The following DPP6 variants were observed in gnomAD, a reference collection of about 807,000 sequenced individuals.
DPP6 encodes A-type potassium channel modulatory protein DPP6.
DPP6 carries 69 observed loss-of-function variants against 122.6 expected under a neutral mutation model. That is an observed-to-expected ratio of 0.56 (90% CI 0.46 to 0.69). The LOEUF is 0.69. Among genes scored for constraint, DPP6 ranks in the 30% least tolerant of loss-of-function variants. The pLI, the probability that DPP6 is intolerant of heterozygous loss-of-function variation, is 0.00. For synonymous variants in DPP6, 418 were observed against 433.1 expected (o/e 0.97, Z 0.43); for missense variants, 928 against 1,116.9 (o/e 0.83, Z 2.41).
chr7:153,754,578 T>C, the DPP6 span, among the ~76,000 whole-genome samples: 2 of 152,246 alleles, frequency 1.3e-5, no homozygotes, highest in Non-Finnish European at 2.9e-5. Flanking sequence ...AATCTTTAAA[T>C]GCACCATCTT....
chr7:154,553,461 T>C (rs985901798), intron 4 of DPP6, among the ~76,000 whole-genome samples: 1 of 152,238 alleles, frequency 6.6e-6, no homozygotes, highest in African/African-American at 2.4e-5. Context: ...TAATAGTTGA[T>C]ATTTTGAGTG....
the DPP6 span, among the ~76,000 whole-genome samples, chr7:153,799,293 T>TA: frequency 6.6e-5 from 10 of 152,196 alleles, no homozygotes; most frequent in Non-Finnish European, 1.0e-4. Context: ...AATATATATA[T>TA]TTTTTATGGA....
chr7:154,448,458 A>C (rs1274234081), intron 2 of DPP6, among the ~76,000 whole-genome samples: 1 of 152,222 alleles, frequency 6.6e-6, no homozygotes, highest in Non-Finnish European at 1.5e-5. Context: ...TATATCTTAT[A>C]TGAATTGATT....
intron 5 of DPP6, among the ~76,000 whole-genome samples, chr7:154,623,602 GAC>G (rs56197097): frequency 3.0e-4 from 45 of 148,868 alleles, no homozygotes; most frequent in Admixed American, 2.0e-4. Context: ...CACACACGCT[GAC>G]ACACACGCAC....
chr7:153,983,655 G>T (rs890413573), intron 1 of DPP6, among the ~76,000 whole-genome samples: 15 of 151,592 alleles, frequency 9.9e-5, no homozygotes, highest in Non-Finnish European at 1.9e-4. Context: ...TTTTGTGCTT[G>T]AAAGCCAGGG....
chr7:154,121,298 C>T (rs1807440294), intron 1 of DPP6, among the ~76,000 whole-genome samples: 1 of 152,146 alleles, frequency 6.6e-6, no homozygotes, highest in African/African-American at 2.4e-5. Flanking sequence ...TTGTTTCCTT[C>T]CCTCTGCTTG....
intron 21 of DPP6, 78 bp from the exon 22 acceptor site, chr7:154,885,555 C>T (rs1308626408): frequency 1.3e-6 from 2 of 1,519,164 alleles, no homozygotes; most frequent in African/African-American, 1.4e-5. Flanking sequence ...TGCTCTGGGG[C>T]TGTCTCCCTG....
intron 10 of DPP6, among the ~76,000 whole-genome samples, chr7:154,784,488 GTTCC>G (rs1412821241): frequency 6.6e-6 from 1 of 152,144 alleles, no homozygotes; most frequent in East Asian, 1.9e-4. Context: ...CAACGTACTT[GTTCC>G]TTCATTTTTT....
At chr7:153,904,323 A>G (rs1799758417) in intron 1 of DPP6, among the ~76,000 whole-genome samples, 1 of 152,166 alleles carries the variant, frequency 6.6e-6, no homozygotes, top group African/African-American at 2.4e-5. Flanking sequence ...AAATGCTGGG[A>G]TTACAGGCGT....
At chr7:153,959,200 G>A (rs1018626566) in intron 1 of DPP6, among the ~76,000 whole-genome samples, 1 of 151,848 alleles carries the variant, frequency 6.6e-6, no homozygotes, top group Non-Finnish European at 1.5e-5. Context: ...AGCAGGGAAG[G>A]CTGGGGCTTC....
At chr7:153,773,769 A>G in the DPP6 span, among the ~76,000 whole-genome samples, 1 of 151,468 alleles carries the variant, frequency 6.6e-6, no homozygotes, top group East Asian at 1.9e-4. Context: ...TCTTAAATCA[A>G]TCATCTAAGC....
intron 10 of DPP6, among the ~76,000 whole-genome samples, chr7:154,791,402 T>C (rs574186125): frequency 6.6e-6 from 1 of 152,164 alleles, no homozygotes; most frequent in South Asian, 2.1e-4. Flanking sequence ...CAAAGGGGTG[T>C]CTTACCTGGT....
At chr7:154,175,364 G>A (rs1797746975) in intron 1 of DPP6, among the ~76,000 whole-genome samples, 1 of 152,158 alleles carries the variant, frequency 6.6e-6, no homozygotes, top group Admixed American at 6.5e-5. Context: ...GTCAAAGCAA[G>A]GGAAGGACTC....
At chr7:153,798,083 C>T in the DPP6 span, among the ~76,000 whole-genome samples, 1 of 151,978 alleles carries the variant, frequency 6.6e-6, no homozygotes, top group African/African-American at 2.4e-5. Context: ...ACCTCCTGAT[C>T]CGCCCGCCTC....
intron 11 of DPP6, 61 bp from the exon 12 acceptor site, chr7:154,795,784 C>CG: frequency 8.5e-7 from 1 of 1,176,268 alleles, no homozygotes; most frequent in Non-Finnish European, 1.1e-6. Flanking sequence ...ACAATACATG[C>CG]AAAAAAAAAA....
At chr7:154,017,124 G>A (rs1271353675) in intron 1 of DPP6, among the ~76,000 whole-genome samples, 8 of 152,160 alleles carry the variant, frequency 5.3e-5, no homozygotes, top group African/African-American at 1.7e-4. Context: ...TGGGAGTGAA[G>A]TGGTGCAATC....
chr7:154,199,808 A>G (rs575288450), intron 1 of DPP6, among the ~76,000 whole-genome samples: 2 of 152,176 alleles, frequency 1.3e-5, no homozygotes, highest in South Asian at 4.1e-4. Flanking sequence ...GGTTTTCGCC[A>G]TGTTGGTCAG....
chr7:154,028,042 G>A (rs545991496), intron 1 of DPP6, among the ~76,000 whole-genome samples: 15 of 151,448 alleles, frequency 9.9e-5, no homozygotes, highest in African/African-American at 3.7e-4. Flanking sequence ...ACCACTGCAT[G>A]GTGCTTCGTC....
intron 20 of DPP6, among the ~76,000 whole-genome samples, chr7:154,880,086 G>A (rs894122487): frequency 2.6e-5 from 4 of 152,156 alleles, no homozygotes; most frequent in Non-Finnish European, 5.9e-5. Context: ...TTGACATTAT[G>A]GCTTGGCTTG....
Sources: allele counts gnomAD v4.1 joint callset (sites outside exome capture counted in the v4.1 genomes callset), GRCh38; gene constraint gnomAD v4.1.1; transcripts MANE v1.5; gene names NCBI Gene and HGNC (gene_info 2026-07-23, HGNC 2026-07-21).